PLD1: variants seen among roughly 807,000 people sequenced by gnomAD.
PLD1 encodes phospholipase D1.
A neutral mutation model predicts 137.1 loss-of-function variants in PLD1; 112 were observed. The observed-to-expected ratio is 0.82, with a 90% CI of 0.70 to 0.96. The LOEUF is 0.96. Ranked by LOEUF, PLD1 falls within the 40% of genes least tolerant of loss-of-function variation. The pLI is 0.00. For synonymous variants in PLD1, 431 were observed against 454.7 expected (o/e 0.95, Z 0.66); for missense variants, 1,321 against 1,342.0 (o/e 0.98, Z 0.24).
At chr3:171,608,849 C>T (rs140421920) in intron 25 of PLD1, among the ~76,000 whole-genome samples, 12 of 151,950 alleles carry the variant, frequency 7.9e-5, no homozygotes, top group Non-Finnish European at 1.8e-4. Flanking sequence ...GGAAGCTATT[C>T]TAAGCATACA....
rs1258338404 is a variant in PLD1 at position 171,744,411 on chromosome 3, G to A, written c.-31-6329C>T. The stretch of plus-strand genomic sequence containing the variant: ...GAGTCCAGCTTGCTATTATGTCTAT[G>A]GTTCTAAGAGTCAGAAGTCTGACTC... On this transcript the variant is annotated intron_variant, in intron 1 of 26. Coordinates refer to ENST00000351298, the MANE Select transcript of PLD1 (RefSeq NM_002662.5). 2.6e-5 allele frequency among the ~76,000 whole-genome samples: 4 copies of A among 152,072 alleles called. No individual in the cohort carries two copies. In the South Asian group the frequency reaches 8.3e-4, roughly 32 times the overall value.
intron 23 of PLD1, among the ~76,000 whole-genome samples, chr3:171,622,539 T>C (rs1051657875): frequency 6.6e-6 from 1 of 152,054 alleles, no homozygotes; most frequent in Non-Finnish European, 1.5e-5. Context: ...TTTTAACAGA[T>C]GCTGGAAAGC....
intron 14 of PLD1, among the ~76,000 whole-genome samples, chr3:171,688,057 C>T (rs1354144247): frequency 2.0e-5 from 3 of 152,094 alleles, no homozygotes; most frequent in Non-Finnish European, 4.4e-5. Context: ...CATATTCTGG[C>T]AGCCATTTAG....
rs3050415 is a variant in PLD1 at position 171,639,848 on chromosome 3, C to CTCTCTCTCTCTATA, written c.2593+2991_2593+2992insTATAGAGAGAGAGA. Among the ~76,000 whole-genome samples the CTCTCTCTCTCTATA allele has an allele frequency of 1.3e-4, 14 of 110,190 alleles. 1 individual carries two copies. The highest frequency in any genetic ancestry group is 5.1e-4 in the African/African-American group (13 of 25,488). The allele number at this position is 110,190 out of a possible 152,430, so 72.3% of individuals were successfully genotyped here. A position where few individuals can be genotyped will look rare whatever the true frequency, so the allele number is the denominator to read the frequency against. On this transcript the variant is annotated intron_variant, in intron 23 of 26. Transcript: ENST00000351298. ...TCTCTCTCTCTCTCTCTCTCTCTCT[C>CTCTCTCTCTCTATA]TATATATATATATATATCTCCTATT...
intron 1 of PLD1, among the ~76,000 whole-genome samples, chr3:171,745,327 C>A (rs1376668329): frequency 6.6e-6 from 1 of 152,230 alleles, no homozygotes; most frequent in Non-Finnish European, 1.5e-5. Context: ...TCACTGGGGC[C>A]ATGGGAGCTT....
intron 24 of PLD1, among the ~76,000 whole-genome samples, chr3:171,617,013 C>T (rs912336565): frequency 6.6e-6 from 1 of 152,044 alleles, no homozygotes; most frequent in African/African-American, 2.4e-5. Context: ...TCAGCTCTGA[C>T]CACATATGAG....
At chr3:171,605,643 C>T (rs1732147416) in intron 25 of PLD1, among the ~76,000 whole-genome samples, 1 of 152,166 alleles carries the variant, frequency 6.6e-6, no homozygotes, top group Non-Finnish European at 1.5e-5. Flanking sequence ...AATTCTCAAG[C>T]AAACAAGACA....
chr3:171,667,469 A>G (rs1712264094), intron 19 of PLD1, among the ~76,000 whole-genome samples: 1 of 152,228 alleles, frequency 6.6e-6, no homozygotes, highest in South Asian at 2.1e-4. Context: ...TGAAGGACAG[A>G]AAGAAAAGAT....
chr3:171,658,390 T>C (rs969817286), intron 21 of PLD1, among the ~76,000 whole-genome samples: 3 of 152,250 alleles, frequency 2.0e-5, no homozygotes, highest in Non-Finnish European at 4.4e-5. Context: ...AGGCAAAAAG[T>C]AGAAACAACC....
rs543138154 is a variant in PLD1 at position 171,687,301 on chromosome 3, G to A, written c.1753+70C>T. On this transcript the variant is annotated intron_variant, in intron 15 of 26. Transcript: ENST00000351298. ...TACAGAAAGACAGATTTTAAAAACA[G>A]GTATGTAGTGTCTGGCTATGGAAGA... The A allele has an allele frequency of 3.5e-5, 43 of 1,240,014 alleles. No individual in the cohort carries two copies. The Admixed American group carries it at 6.8e-4, about 20-fold the overall frequency. The allele number at this position is 1,240,014 out of a possible 1,614,324, so 76.8% of individuals were successfully genotyped here. A position where few individuals can be genotyped will look rare whatever the true frequency, so the allele number is the denominator to read the frequency against.
chr3:171,670,661 T>TCTTATC lies in PLD1; in HGVS notation c.2229+3833_2229+3838dup, dbSNP rs531947293. 3.3e-5 allele frequency among the ~76,000 whole-genome samples: 5 copies of TCTTATC among 152,376 alleles called. No individual in the cohort carries two copies. In the South Asian group the frequency reaches 1.0e-3, roughly 32 times the overall value. ...ATCAGTGATGTCCTAGTTTCTTAAC[T>TCTTATC]CTTATCCTTCCTTTTAATTTTTGTC... On this transcript the variant is annotated intron_variant, in intron 19 of 26. Transcript: ENST00000351298.
chr3:171,719,474 A>G (rs896164978), intron 8 of PLD1, among the ~76,000 whole-genome samples: 4 of 152,238 alleles, frequency 2.6e-5, no homozygotes, highest in Non-Finnish European at 5.9e-5. Context: ...CATCTCGCCT[A>G]AATAATGGCT....
intron 19 of PLD1, among the ~76,000 whole-genome samples, chr3:171,671,785 G>A (rs1469802308): frequency 2.0e-5 from 3 of 151,830 alleles, no homozygotes; most frequent in South Asian, 2.1e-4. Context: ...AACCTTATCT[G>A]TCCATGGAAA....
At chr3:171,724,572 T>C in intron 8 of PLD1, 124 bp downstream of exon 8, 1 of 620,430 alleles carries the variant, frequency 1.6e-6, no homozygotes, top group East Asian at 2.7e-5. Flanking sequence ...GATTTTAAAA[T>C]ATAATTAAAA....
chr3:171,783,739 C>T (rs1052018652), intron 1 of PLD1, among the ~76,000 whole-genome samples: 7 of 152,118 alleles, frequency 4.6e-5, no homozygotes, highest in Non-Finnish European at 1.0e-4. Context: ...GCCTCTCAGG[C>T]TCTAGTGATT....
chr3:171,809,441 G>C (rs1018265490), intron 1 of PLD1: 1 of 152,192 alleles, frequency 6.6e-6, no homozygotes, highest in Admixed American at 6.5e-5. Flanking sequence ...TGGGTACCTA[G>C]TCTCTCAGAG....
chr3:171,737,202 CAA>C (rs1249249662), intron 3 of PLD1, among the ~76,000 whole-genome samples: 8 of 152,160 alleles, frequency 5.3e-5, no homozygotes, highest in Non-Finnish European at 1.0e-4. Context: ...AAATATGCAT[CAA>C]GAGTCCAAAT....
At chr3:171,704,630 T>G (rs1038096685) in intron 11 of PLD1, among the ~76,000 whole-genome samples, 2 of 152,098 alleles carry the variant, frequency 1.3e-5, no homozygotes, top group African/African-American at 4.8e-5. Context: ...AAAAGTCTTA[T>G]AGAAAAAGAT....
chr3:171,686,208 C>A (rs1714546120), intron 16 of PLD1, among the ~76,000 whole-genome samples: 1 of 151,148 alleles, frequency 6.6e-6, no homozygotes, highest in South Asian at 2.1e-4. Context: ...AGTCTTATAT[C>A]AAAAACTGCA....
Sources: gnomAD v4.1 joint callset for allele counts (sites outside exome capture counted in the v4.1 genomes callset) on GRCh38, gnomAD v4.1.1 for gene constraint, MANE v1.5 for transcripts, NCBI Gene and HGNC (gene_info 2026-07-23, HGNC 2026-07-21) for gene names.